ENOX1: variants seen among roughly 807,000 people sequenced by gnomAD.
The protein encoded by ENOX1 is candidate growth-related and time keeping constitutive hydroquinone (NADH) oxidase.
Under a neutral mutation model 82.5 loss-of-function variants are expected in ENOX1, and 42 were observed. That is an observed-to-expected ratio of 0.51 (90% confidence interval 0.40 to 0.66). ENOX1 has a LOEUF of 0.66. Among genes scored for constraint, ENOX1 ranks in the 30% least tolerant of loss-of-function variants. ENOX1 has a pLI of 0.00. For synonymous variants in ENOX1, 271 were observed against 282.2 expected, an observed-to-expected ratio of 0.96 and a Z score of 0.40; for missense variants, 608 against 811.6, an observed-to-expected ratio of 0.75 and a Z score of 3.05.
At chr13:43,222,708 AGGT>A (rs1479407444) in intron 16 of ENOX1, among the ~76,000 whole-genome samples, 2 of 152,206 alleles carry the variant, frequency 1.3e-5, no homozygotes, top group African/African-American at 4.8e-5. Flanking sequence ...CTCCAGGCAA[AGGT>A]GGTGGTGATA....
intron 5 of ENOX1, among the ~76,000 whole-genome samples, chr13:43,406,295 GTTC>G (rs1196717021): frequency 2.0e-5 from 3 of 152,130 alleles, no homozygotes; most frequent in African/African-American, 7.2e-5. Context: ...AGAAAGCTAA[GTTC>G]TTCTCAGAAT....
intron 1 of ENOX1, among the ~76,000 whole-genome samples, chr13:43,683,551 C>G (rs2085903858): frequency 6.6e-6 from 1 of 151,920 alleles, no homozygotes; most frequent in Non-Finnish European, 1.5e-5. Flanking sequence ...TCTTTTCATC[C>G]CAAGATGAAA....
intron 2 of ENOX1, among the ~76,000 whole-genome samples, chr13:43,522,677 A>C (rs1054147036): frequency 6.6e-6 from 1 of 152,140 alleles, no homozygotes; most frequent in Non-Finnish European, 1.5e-5. Flanking sequence ...TCTTTGCATC[A>C]TGCTGTCTTT....
At chr13:43,458,840 T>G (rs9533492) in intron 3 of ENOX1, 1 of 151,894 alleles carries the variant, frequency 6.6e-6, no homozygotes, top group Non-Finnish European at 1.5e-5. Context: ...ACATATGAGT[T>G]TATTCAAGGT....
intron 2 of ENOX1, among the ~76,000 whole-genome samples, chr13:43,593,416 C>G (rs550192614): frequency 1.5e-4 from 23 of 152,056 alleles, no homozygotes; most frequent in Non-Finnish European, 2.9e-5. Context: ...TCTGAGGCAA[C>G]CACAACTCCT....
intron 2 of ENOX1, among the ~76,000 whole-genome samples, chr13:43,660,022 T>C (rs2084643945): frequency 6.6e-6 from 1 of 152,228 alleles, no homozygotes; most frequent in African/African-American, 2.4e-5. Flanking sequence ...GGAGGAGCAG[T>C]TTCCTTCTTG....
chr13:43,468,644 A>C (rs2057851685), intron 3 of ENOX1, among the ~76,000 whole-genome samples: 2 of 151,980 alleles, frequency 1.3e-5, no homozygotes, highest in African/African-American at 4.8e-5. Context: ...GAAAAAAAAA[A>C]AAAAACAAAG....
intron 2 of ENOX1, among the ~76,000 whole-genome samples, chr13:43,490,297 TAGC>T (rs929538725): frequency 6.6e-6 from 1 of 152,204 alleles, no homozygotes; most frequent in African/African-American, 2.4e-5. Flanking sequence ...CACAGGTTCA[TAGC>T]AGGAGAGCAA....
At chr13:43,443,724 T>G (rs2056481196) in intron 3 of ENOX1, among the ~76,000 whole-genome samples, 1 of 152,218 alleles carries the variant, frequency 6.6e-6, no homozygotes, top group East Asian at 1.9e-4. Context: ...GCAACCTGCA[T>G]GTAGGGAGAG....
rs762757190 is a variant in ENOX1 at position 43,355,877 on chromosome 13, G to T, written c.823+42C>A. On this transcript the variant is annotated intron_variant, in intron 8 of 16. Transcript: ENST00000690772. ...AAACGCACAGGGTTCCGTGTCTGGG[G>T]ATCCCTGTGGAGGAAGAAAAGCCAG... is the stretch of plus-strand genomic sequence containing the variant. The T allele has an allele frequency of 2.6e-6, 4 of 1,565,258 alleles. No individual in the cohort carries two copies. The South Asian group carries it at 4.7e-5, about 19-fold the overall frequency.
intron 12 of ENOX1, among the ~76,000 whole-genome samples, chr13:43,277,039 G>A (rs946690255): frequency 6.6e-6 from 1 of 152,108 alleles, no homozygotes; most frequent in African/African-American, 2.4e-5. Flanking sequence ...GGTGACCCCT[G>A]GGGGAGAAAC....
chr13:43,434,936 G>GTTTTTTTTTTTTTTTTTTTTTTTTT (rs1259674451), intron 3 of ENOX1, among the ~76,000 whole-genome samples: 2 of 67,844 alleles, frequency 2.9e-5, no homozygotes, highest in African/African-American at 4.5e-5. Flanking sequence ...GTGTGTGTGT[G>GTTTTTTTTTTTTTTTTTTTTTTTTT]GTTTTTTTTT....
chr13:43,714,470 G>T (rs1313118554), intron 1 of ENOX1, among the ~76,000 whole-genome samples: 1 of 152,130 alleles, frequency 6.6e-6, no homozygotes, highest in Non-Finnish European at 1.5e-5. Flanking sequence ...GGGTATCTTT[G>T]TTAACTTTCT....
At chr13:43,308,916 T>G (rs1243089805) in intron 11 of ENOX1, among the ~76,000 whole-genome samples, 1 of 152,178 alleles carries the variant, frequency 6.6e-6, no homozygotes, top group East Asian at 1.9e-4. Flanking sequence ...GAGCCTCATG[T>G]CATTGCTGAG....
chr13:43,223,429 A>G (rs2041884038), intron 16 of ENOX1, among the ~76,000 whole-genome samples: 1 of 152,066 alleles, frequency 6.6e-6, no homozygotes, highest in Admixed American at 6.6e-5. Flanking sequence ...TCTCTTCTCT[A>G]TGGGTACACA....
At chr13:43,498,499 T>C (rs1473909386) in intron 2 of ENOX1, among the ~76,000 whole-genome samples, 2 of 152,018 alleles carry the variant, frequency 1.3e-5, no homozygotes, top group Non-Finnish European at 2.9e-5. Context: ...AAACAATAAA[T>C]AATAATACTG....
At chr13:43,572,035 C>T (rs78072914) in intron 2 of ENOX1, among the ~76,000 whole-genome samples, 5,194 of 152,058 alleles carry the variant, frequency 0.034, 258 homozygotes, top group African/African-American at 0.11. Flanking sequence ...TAGAGGGCAA[C>T]TTACTTATGA....
At chr13:43,395,062 C>T (rs995531405) in intron 5 of ENOX1, among the ~76,000 whole-genome samples, 1 of 152,126 alleles carries the variant, frequency 6.6e-6, no homozygotes, top group Non-Finnish European at 1.5e-5. Flanking sequence ...TAGCGTGACA[C>T]ATTCACTACT....
chr13:43,522,619 G>C (rs976511486), intron 2 of ENOX1, among the ~76,000 whole-genome samples: 1 of 152,110 alleles, frequency 6.6e-6, no homozygotes, highest in African/African-American at 2.4e-5. Flanking sequence ...GAAGCCCTTC[G>C]AGGATCCTGG....
Sources: gnomAD v4.1 joint callset for allele counts (sites outside exome capture counted in the v4.1 genomes callset) on GRCh38, gnomAD v4.1.1 for gene constraint, MANE v1.5 for transcripts, NCBI Gene and HGNC (gene_info 2026-07-23, HGNC 2026-07-21) for gene names.